NAA11: variants seen among roughly 807,000 people sequenced by gnomAD.
NAA11 encodes the protein N-alpha-acetyltransferase 11.
NAA11 carries 15 observed loss-of-function variants against 16.1 expected under a neutral mutation model. The observed-to-expected ratio is 0.93, with a 90% CI of 0.62 to 1.44. The LOEUF is 1.44. Ranked by LOEUF, NAA11 falls within the 40% of genes most tolerant of loss-of-function variation. NAA11 has a pLI of 0.00. For synonymous variants in NAA11, 122 were observed against 112.4 expected, an observed-to-expected ratio of 1.09 and a Z score of -0.54; for missense variants, 298 against 291.3, an observed-to-expected ratio of 1.02 and a Z score of -0.17.
At chr4:79,251,340 C>A (rs753942182) in intron 2 of NAA11, among the ~76,000 whole-genome samples, 5 of 152,172 alleles carry the variant, frequency 3.3e-5, no homozygotes, top group Admixed American at 2.0e-4. Context: ...AGGGATGGAA[C>A]TGGGGCCATT....
intron 2 of NAA11, among the ~76,000 whole-genome samples, chr4:79,239,516 G>A (rs979234585): frequency 1.8e-4 from 28 of 152,130 alleles, no homozygotes; most frequent in Middle Eastern, 3.4e-3. Context: ...GCCGGCCAAC[G>A]TGGCAAAAGC....
chr4:79,262,481 T>C (rs558664561), intron 2 of NAA11, among the ~76,000 whole-genome samples: 34 of 152,148 alleles, frequency 2.2e-4, no homozygotes, highest in Non-Finnish European at 4.7e-4. Flanking sequence ...TGGGTGGCCA[T>C]GTAACTAAGT....
At chr4:79,249,220 T>C (rs1290415267) in intron 2 of NAA11, among the ~76,000 whole-genome samples, 1 of 152,220 alleles carries the variant, frequency 6.6e-6, no homozygotes, top group Non-Finnish European at 1.5e-5. Context: ...TCTTCTTACC[T>C]GCAAATGACC....
chr4:79,180,519 A>G, the NAA11 span, among the ~76,000 whole-genome samples: 1 of 152,206 alleles, frequency 6.6e-6, no homozygotes, highest in African/African-American at 2.4e-5. Context: ...ACAAATCAAA[A>G]CCACAATGAG....
the NAA11 span, among the ~76,000 whole-genome samples, chr4:79,169,796 G>A: frequency 6.6e-6 from 1 of 152,018 alleles, no homozygotes. Flanking sequence ...AACACCAAGG[G>A]GAACATCTGC....
In NAA11 at chr4:79,303,076, T is replaced by TTATATA. The variant is rs59261096; in HGVS notation, c.*13-8968_*13-8963dup. Among the ~76,000 whole-genome samples, 661 of 67,408 alleles carry TTATATA rather than the reference T, an allele frequency of 9.8e-3. 22 individuals are homozygous for TTATATA. The highest frequency in any genetic ancestry group is 0.013 in the Non-Finnish European group (445 of 35,012). 44.2% of individuals were successfully genotyped at this position (67,408 alleles called of 152,430 possible). On this transcript the variant is annotated intron_variant and NMD_transcript_variant, in intron 1 of 2. Coordinates refer to the NAA11 transcript ENST00000511542. ...TTCATTCCTGTTCTCTTGAGGCCTT[T>TTATATA]TATATATATATATATATATATATAT...
At chr4:79,201,590 A>C in the NAA11 span, among the ~76,000 whole-genome samples, 1 of 151,436 alleles carries the variant, frequency 6.6e-6, no homozygotes, top group East Asian at 1.9e-4. Context: ...TGTCATATGT[A>C]TGTTTCAGTT....
At chr4:79,259,610 C>T (rs1384501504) in intron 2 of NAA11, among the ~76,000 whole-genome samples, 1 of 152,214 alleles carries the variant, frequency 6.6e-6, no homozygotes, top group Non-Finnish European at 1.5e-5. Flanking sequence ...CAGGCCCAAA[C>T]AAAACTTGGG....
chr4:79,155,906 GATCAC>G, the NAA11 span, among the ~76,000 whole-genome samples: 5 of 152,256 alleles, frequency 3.3e-5, no homozygotes, highest in East Asian at 5.8e-4. Flanking sequence ...TTTTTATTCT[GATCAC>G]ATCGACTTTT....
At chr4:79,278,609 GCATAATAGTGTTCTTTTCC>G (rs759856501) in intron 2 of NAA11, among the ~76,000 whole-genome samples, 15 of 152,024 alleles carry the variant, frequency 9.9e-5, no homozygotes, top group Non-Finnish European at 1.9e-4. Context: ...ACCACTCAGG[GCATAATAGTGTTCTTTTCC>G]CTGTGTTGTA....
At chr4:79,266,907 G>A (rs1388531701) in intron 2 of NAA11, among the ~76,000 whole-genome samples, 1 of 152,156 alleles carries the variant, frequency 6.6e-6, no homozygotes, top group Non-Finnish European at 1.5e-5. Context: ...CATTAAACGA[G>A]TAAGGTCTTT....
At chr4:79,220,657 C>T in the NAA11 span, among the ~76,000 whole-genome samples, 6 of 152,010 alleles carry the variant, frequency 3.9e-5, no homozygotes, top group African/African-American at 7.2e-5. Context: ...TTCTAAATTA[C>T]AACACCAATA....
chr4:79,219,089 C>T, the NAA11 span, among the ~76,000 whole-genome samples: 3 of 151,928 alleles, frequency 2.0e-5, no homozygotes, highest in Non-Finnish European at 2.9e-5. Flanking sequence ...TTTTAAGTCC[C>T]TACAATATTT....
chr4:79,292,922 A>T (rs1464829061), intron 2 of NAA11, among the ~76,000 whole-genome samples: 1 of 152,192 alleles, frequency 6.6e-6, no homozygotes, highest in Non-Finnish European at 1.5e-5. Context: ...GTTTTTGATT[A>T]AAAAGATGCT....
the NAA11 span, among the ~76,000 whole-genome samples, chr4:79,173,918 T>C: frequency 6.6e-6 from 1 of 152,120 alleles, no homozygotes; most frequent in Non-Finnish European, 1.5e-5. Context: ...GGTTTGGTAA[T>C]GACAGTGAGG....
At chr4:79,199,502 G>A in the NAA11 span, among the ~76,000 whole-genome samples, 1 of 151,794 alleles carries the variant, frequency 6.6e-6, no homozygotes, top group Non-Finnish European at 1.5e-5. Context: ...ATGCAAATAA[G>A]TACCAAATTT....
the NAA11 span, among the ~76,000 whole-genome samples, chr4:79,208,935 A>AAAAAAC: frequency 1.0e-4 from 15 of 148,542 alleles, no homozygotes; most frequent in Non-Finnish European, 1.9e-4. Flanking sequence ...CAAAAAAAAA[A>AAAAAAC]AAAAAAAAAA....
chr4:79,325,000 T>G (rs573323139), intron 1 of NAA11, among the ~76,000 whole-genome samples, 176 bp downstream of exon 1: 8 of 152,164 alleles, frequency 5.3e-5, no homozygotes, highest in Non-Finnish European at 8.8e-5. Context: ...TAACTTCCAA[T>G]AGCGTGTAAT....
At chr4:79,291,991 C>T (rs1018213877) in intron 2 of NAA11, among the ~76,000 whole-genome samples, 8 of 152,078 alleles carry the variant, frequency 5.3e-5, no homozygotes, top group African/African-American at 1.9e-4. Flanking sequence ...TTCTTTTCTC[C>T]ATCTCTATAC....
Sources: gnomAD v4.1 joint callset for allele counts (sites outside exome capture counted in the v4.1 genomes callset) on GRCh38, gnomAD v4.1.1 for gene constraint, MANE v1.5 for transcripts, NCBI Gene and HGNC (gene_info 2026-07-23, HGNC 2026-07-21) for gene names.